The following UNC80 variants were observed in gnomAD, a reference collection of about 807,000 sequenced individuals.
The protein encoded by UNC80 is unc-80 subunit of NALCN channel complex.
Under a neutral mutation model 384.6 loss-of-function variants are expected in UNC80, and 164 were observed. The observed-to-expected ratio is 0.43, with a 90% CI of 0.38 to 0.49. The LOEUF (loss-of-function observed/expected upper bound fraction) is 0.49. UNC80 is among the 20% of genes least tolerant of loss of function. UNC80 has a pLI of 0.00. For synonymous variants in UNC80, 1,486 were observed against 1,527.8 expected (o/e 0.97, Z 0.64); for missense variants, 3,330 against 4,143.0 (o/e 0.80, Z 5.39).
chr2:209,926,731 A>G lies in UNC80; in HGVS notation c.5663-112A>G. On this transcript the variant is annotated intron_variant, in intron 35 of 64. Transcript: ENST00000673920. Reference sequence around the variant, plus strand: ...GTCGAGGCTGCAGTGAGCAGTGATCATGCCACTGTACTCCAGCCTGGGTGA... The same window carrying G: ...GTCGAGGCTGCAGTGAGCAGTGATCGTGCCACTGTACTCCAGCCTGGGTGA... 5 of 1,335,238 alleles carry G rather than the reference A, an allele frequency of 3.7e-6. No individual in the cohort carries two copies. In the Admixed American group the frequency reaches 1.1e-4, roughly 28 times the overall value. The allele number at this position is 1,335,238 out of a possible 1,614,324, so 82.7% of individuals were successfully genotyped here.
chr2:209,995,565 G>A lies in UNC80; in HGVS notation c.9945G>A (p.Thr3315=), dbSNP rs141603698. Reference sequence around the variant, plus strand: ...TTACTCCCACTGAGCTGGGGAAAACGGATGCAGTATTAGATGAGTCTCATG... The same window carrying A: ...TTACTCCCACTGAGCTGGGGAAAACAGATGCAGTATTAGATGAGTCTCATG... The part of the protein sequence containing the change: ...FTFTPTELGK[T]DAVLDESHV Residue 3315 remains threonine, a synonymous_variant, in exon 65 of 65, where the codon ACG becomes ACA. Transcript: ENST00000673920. The A allele has an allele frequency of 2.8e-3, 4,381 of 1,552,058 alleles. 177 individuals are homozygous for A. The East Asian group carries it at 0.088, about 31-fold the overall frequency.
chr2:209,925,024 G>A (rs1256537353), intron 35 of UNC80, among the ~76,000 whole-genome samples: 2 of 151,958 alleles, frequency 1.3e-5, no homozygotes, highest in Non-Finnish European at 2.9e-5. Context: ...AGGCTCCTAA[G>A]GACCTAGGAA....
chr2:209,860,280 A>T (rs2083255970), intron 22 of UNC80, among the ~76,000 whole-genome samples: 1 of 152,224 alleles, frequency 6.6e-6, no homozygotes, highest in Non-Finnish European at 1.5e-5. Flanking sequence ...CATTTACCGA[A>T]TAGGAAATCC....
chr2:209,858,038 T>C (rs746503817), intron 22 of UNC80, among the ~76,000 whole-genome samples: 8 of 152,218 alleles, frequency 5.3e-5, no homozygotes, highest in East Asian at 1.9e-4. Flanking sequence ...AACTCATTAA[T>C]TGGGTTATTT....
At chr2:209,964,173 A>G (rs537366816) in intron 51 of UNC80, among the ~76,000 whole-genome samples, 1 of 152,316 alleles carries the variant, frequency 6.6e-6, no homozygotes, top group South Asian at 2.1e-4. Context: ...TTACAATGCT[A>G]TAGTTAATAT....
At chr2:209,979,815 C>T (rs1320749721) in intron 59 of UNC80, among the ~76,000 whole-genome samples, 1 of 152,196 alleles carries the variant, frequency 6.6e-6, no homozygotes, top group African/African-American at 2.4e-5. Flanking sequence ...TTTAGATCTT[C>T]ACTCAGAGGC....
intron 9 of UNC80, 124 bp from the exon 10 acceptor site, chr2:209,816,785 C>T (rs1436964378): frequency 1.2e-6 from 1 of 829,590 alleles, no homozygotes; most frequent in Non-Finnish European, 1.9e-6. Context: ...TATTCAGTGA[C>T]TTTCTGGGTC....
intron 47 of UNC80, among the ~76,000 whole-genome samples, chr2:209,953,007 G>A (rs1245389735): frequency 1.3e-5 from 2 of 152,172 alleles, no homozygotes; most frequent in Non-Finnish European, 2.9e-5. Context: ...ATTGGTATCT[G>A]TAAGAAAAAG....
At chr2:209,900,794 A>T (rs745747571) in intron 28 of UNC80, among the ~76,000 whole-genome samples, 4 of 152,232 alleles carry the variant, frequency 2.6e-5, no homozygotes, top group Non-Finnish European at 5.9e-5. Flanking sequence ...GTGAACACAC[A>T]AACAATAAGA....
intron 37 of UNC80, among the ~76,000 whole-genome samples, chr2:209,930,464 A>G (rs1380280553): frequency 6.6e-6 from 1 of 152,172 alleles, no homozygotes; most frequent in Non-Finnish European, 1.5e-5. Context: ...CTGGAAGGTT[A>G]AGTTTAGTTT....
At chr2:209,778,882 C>G (rs989206456) in intron 4 of UNC80, among the ~76,000 whole-genome samples, 3 of 152,190 alleles carry the variant, frequency 2.0e-5, no homozygotes, top group South Asian at 2.1e-4. Flanking sequence ...TGAACATTAA[C>G]AGTCACCATG....
rs529960336 is a variant in UNC80 at position 209,877,662 on chromosome 2, A to C, written c.3841-292A>C. Among the ~76,000 whole-genome samples, 10 of 152,350 alleles carry C rather than the reference A, an allele frequency of 6.6e-5. No individual in the cohort carries two copies. In the East Asian group the frequency reaches 1.9e-3, roughly 29 times the overall value. ...TCCCTTGTATCATATCTATAAAATA[A>C]ATAACCTTTGAGTAAATGGAAATAT... On this transcript the variant is annotated intron_variant, in intron 23 of 64. Coordinates refer to ENST00000673920, the MANE Select transcript of UNC80 (RefSeq NM_001371986.1).
intron 7 of UNC80, among the ~76,000 whole-genome samples, chr2:209,808,572 G>A (rs1440975353): frequency 6.6e-6 from 1 of 150,906 alleles, no homozygotes. Context: ...GCTACTGCGC[G>A]AGCCCAGCCA....
intron 16 of UNC80, among the ~76,000 whole-genome samples, chr2:209,832,473 T>G (rs981164296): frequency 1.3e-5 from 2 of 152,152 alleles, no homozygotes; most frequent in East Asian, 3.9e-4. Context: ...ATATTATGAC[T>G]CCTATGCGGA....
At chr2:209,900,655 A>C (rs1031086106) in intron 28 of UNC80, among the ~76,000 whole-genome samples, 3 of 152,178 alleles carry the variant, frequency 2.0e-5, no homozygotes, top group Non-Finnish European at 2.9e-5. Flanking sequence ...AAATGCCATA[A>C]ATGATTAAGC....
In UNC80 at chr2:209,872,853, G is replaced by A. The variant is rs1027152781; in HGVS notation, c.3723G>A (p.Gly1241=). 9.0e-6 allele frequency: 14 copies of A among 1,551,290 alleles called. No homozygotes were observed. Among genetic ancestry groups the A allele is most frequent in the Non-Finnish European group, 1.2e-5 (14 of 1,146,848 alleles). The change falls in exon 23 of 65, where the codon GGG becomes GGA. Residue 1241 remains glycine (G), a synonymous_variant. Transcript: ENST00000673920. This position sits in a 1 kb window ranked among gnomAD's most constrained non-coding sequence, Gnocchi z 4.1. ...NRGNWPEWMK[G]HHVNITKKGL... ...GCAACTGGCCAGAGTGGATGAAAGG[G>A]CACCACGTGAACATCACCAAGAAAG...
chr2:209,809,416 AC>A, intron 7 of UNC80: 2 of 1,421,744 alleles, frequency 1.4e-6, no homozygotes, highest in Non-Finnish European at 2.0e-6. Flanking sequence ...CTTCTCCTGT[AC>A]CCACTGCAGC....
rs756648889 is a variant in UNC80 at position 209,834,100 on chromosome 2, C to G, written c.2874C>G (p.Ala958=). 164 of 1,551,466 alleles carry G rather than the reference C, an allele frequency of 1.1e-4. No homozygotes were observed. The highest frequency in any genetic ancestry group is 5.0e-4 in the Middle Eastern group (3 of 5,990). Residue 958 remains alanine (A), a synonymous_variant, in exon 17 of 65, where the codon GCC becomes GCG. Transcript: ENST00000673920. The stretch of plus-strand genomic sequence containing the variant: ...CCCTCAGCGCTCTGCTTGACAGTGC[C>G]GAGAAGTTAGCACCAGGGAAAAAGG... ...RVALSALLDS[A]EKLAPGKKVE... is the part of the protein sequence containing the mutation.
At chr2:209,982,065 C>T in intron 59 of UNC80, 114 bp from the exon 60 acceptor site, 1 of 996,310 alleles carries the variant, frequency 1.0e-6, no homozygotes, top group Middle Eastern at 3.0e-4. Flanking sequence ...TTTAGATTTA[C>T]ACACAGCCCT....
Sources: allele counts gnomAD v4.1 joint callset (sites outside exome capture counted in the v4.1 genomes callset), GRCh38; gene constraint gnomAD v4.1.1; non-coding constraint Gnocchi (gnomAD v3.1); transcripts MANE v1.5; gene names NCBI Gene and HGNC (gene_info 2026-07-23, HGNC 2026-07-21).